Variants in MAD1L1 observed in about 807,000 individuals in gnomAD.
The protein encoded by MAD1L1 is mitotic arrest deficient 1 like 1, also known as mitotic spindle assembly checkpoint protein MAD1.
In MAD1L1, 95 loss-of-function variants were observed where a neutral mutation model predicts 96.9. That is an observed-to-expected ratio of 0.98 (90% CI 0.83 to 1.16). The LOEUF (loss-of-function observed/expected upper bound fraction) is 1.16. MAD1L1 is among the 50% of genes most tolerant of loss of function. The pLI is 0.00. For synonymous variants in MAD1L1, 473 were observed against 396.6 expected (o/e 1.19, Z -2.29); for missense variants, 1,007 against 954.4 (o/e 1.06, Z -0.73).
chr7:1,974,528 G>C (rs148105424), intron 15 of MAD1L1, among the ~76,000 whole-genome samples: 2 of 152,160 alleles, frequency 1.3e-5, no homozygotes, highest in Non-Finnish European at 2.9e-5. Flanking sequence ...AACAGAAACA[G>C]ACTCTCAGGA....
intron 16 of MAD1L1, among the ~76,000 whole-genome samples, chr7:1,943,052 C>T (rs1226748463): frequency 6.6e-6 from 1 of 152,196 alleles, no homozygotes; most frequent in Non-Finnish European, 1.5e-5. Context: ...ACAAATGCTG[C>T]TGGGACAATG....
intron 18 of MAD1L1, among the ~76,000 whole-genome samples, chr7:1,885,298 C>T (rs965006052): frequency 3.9e-5 from 6 of 152,212 alleles, no homozygotes; most frequent in South Asian, 2.1e-4. Context: ...CCTCTGCCCA[C>T]ACCACAGCGT....
At chr7:2,109,767 T>C (rs1312275476) in intron 11 of MAD1L1, among the ~76,000 whole-genome samples, 4 of 152,378 alleles carry the variant, frequency 2.6e-5, no homozygotes, top group African/African-American at 4.8e-5. Context: ...TTTAAACTAA[T>C]TGAATGTTGC....
intron 18 of MAD1L1, among the ~76,000 whole-genome samples, chr7:1,884,376 T>A (rs1583650257): frequency 6.6e-6 from 1 of 152,180 alleles, no homozygotes. Context: ...TGCCTCTGGC[T>A]TGGGAAGCCT....
Position 2,142,107 on chromosome 7 carries a change from G to A in MAD1L1, c.1073+7045C>T, listed in dbSNP as rs369444972. ...GGTGCCAGACCCCAGGCACAGGGAT[G>A]TCCCTCACATTTCCCCAAAAACCCG... On this transcript the variant is annotated intron_variant, in intron 11 of 18. Transcript: ENST00000265854. This position sits in a 1 kb window ranked among gnomAD's most constrained non-coding sequence, Gnocchi z 4.7. 3.0e-4 allele frequency among the ~76,000 whole-genome samples: 45 copies of A among 152,326 alleles called. No homozygotes were observed. Among genetic ancestry groups the A allele is most frequent in the African/African-American group, 7.9e-4 (33 of 41,580 alleles).
chr7:2,164,596 G>T (rs1454851216), intron 10 of MAD1L1, among the ~76,000 whole-genome samples: 11 of 125,964 alleles, frequency 8.7e-5, no homozygotes, highest in Middle Eastern at 3.8e-3. Flanking sequence ...GGAAAAATGG[G>T]GGGGGGGGGG....
At chr7:2,226,123 A>C (rs1793881385) in intron 3 of MAD1L1, among the ~76,000 whole-genome samples, 1 of 152,146 alleles carries the variant, frequency 6.6e-6, no homozygotes, top group Non-Finnish European at 1.5e-5. Flanking sequence ...GGACGTCTGG[A>C]CTCAGACTTA....
chr7:1,860,403 C>T (rs552655223), intron 18 of MAD1L1, among the ~76,000 whole-genome samples: 14 of 139,486 alleles, frequency 1.0e-4, no homozygotes, highest in Non-Finnish European at 3.0e-5. Flanking sequence ...CGGCCTCTGT[C>T]TCCCTAGACC....
At chr7:2,064,461 G>A (rs892236394) in intron 12 of MAD1L1, among the ~76,000 whole-genome samples, 1 of 152,248 alleles carries the variant, frequency 6.6e-6, no homozygotes, top group African/African-American at 2.4e-5. Context: ...CCCTGTAAGA[G>A]GCTGGGATGG....
rs142416336 is a variant in MAD1L1 at position 2,090,643 on chromosome 7, C to A, written c.1074-21305G>T. On this transcript the variant is annotated intron_variant, in intron 11 of 18. Transcript: ENST00000265854. ...TCAGCCTTTCCTTGTTTCTCATGGA[C>A]TTGGCAGTTCTGAGCAGGACTGGCC... Among the ~76,000 whole-genome samples the A allele has an allele frequency of 5.3e-3, 811 of 152,354 alleles. 9 individuals are homozygous for A. Among genetic ancestry groups the A allele is most frequent in the African/African-American group, 0.019 (774 of 41,578 alleles).
intron 10 of MAD1L1, among the ~76,000 whole-genome samples, chr7:2,204,497 C>T (rs925797721): frequency 6.6e-6 from 1 of 152,216 alleles, no homozygotes; most frequent in Admixed American, 6.5e-5. Context: ...GGATCACTGA[C>T]CTGCTTTCTA....
At chr7:2,010,670 C>A (rs1782257516) in intron 13 of MAD1L1, among the ~76,000 whole-genome samples, 1 of 152,232 alleles carries the variant, frequency 6.6e-6, no homozygotes, top group African/African-American at 2.4e-5. Context: ...AAAACATGGT[C>A]CAGATGAGAA....
chr7:1,974,563 A>C (rs1466588785), intron 15 of MAD1L1, among the ~76,000 whole-genome samples: 1 of 152,236 alleles, frequency 6.6e-6, no homozygotes, highest in Non-Finnish European at 1.5e-5. Flanking sequence ...CAACAAATAA[A>C]ATAAGAACAG....
At chr7:2,169,924 C>T (rs1311488841) in intron 10 of MAD1L1, among the ~76,000 whole-genome samples, 1 of 135,354 alleles carries the variant, frequency 7.4e-6, no homozygotes, top group Non-Finnish European at 1.7e-5. Flanking sequence ...CCACCGGGGG[C>T]ACTTGGAGCA....
At chr7:2,030,700 G>A (rs889163418) in intron 12 of MAD1L1, among the ~76,000 whole-genome samples, 7 of 152,216 alleles carry the variant, frequency 4.6e-5, no homozygotes, top group East Asian at 1.9e-4. Flanking sequence ...CTCTTTTCCC[G>A]ATGAAAGGGT....
intron 10 of MAD1L1, among the ~76,000 whole-genome samples, chr7:2,176,763 T>C (rs777176003): frequency 3.3e-5 from 5 of 152,176 alleles, no homozygotes; most frequent in African/African-American, 9.7e-5. Flanking sequence ...ACTGTCAACA[T>C]AGTAAACTAT....
At chr7:1,837,731 G>A (rs1783008800) in intron 18 of MAD1L1, among the ~76,000 whole-genome samples, 1 of 152,268 alleles carries the variant, frequency 6.6e-6, no homozygotes, top group African/African-American at 2.4e-5. Flanking sequence ...AAACGTGGAT[G>A]AACCCGTGGT....
intron 11 of MAD1L1, among the ~76,000 whole-genome samples, chr7:2,122,259 C>T (rs1562707889): frequency 6.6e-6 from 1 of 152,318 alleles, no homozygotes; most frequent in African/African-American, 2.4e-5. Flanking sequence ...CTGTCCACCT[C>T]GTGTGCCTTG....
intron 18 of MAD1L1, chr7:1,838,867 A>T: frequency 2.1e-6 from 1 of 471,372 alleles, no homozygotes. Flanking sequence ...TATGACTGAC[A>T]GGTAAGACTA....
Sources: gnomAD v4.1 joint callset for allele counts (sites outside exome capture counted in the v4.1 genomes callset) on GRCh38, gnomAD v4.1.1 for gene constraint, Gnocchi (gnomAD v3.1) non-coding constraint, MANE v1.5 for transcripts, NCBI Gene and HGNC (gene_info 2026-07-23, HGNC 2026-07-21) for gene names.